MRPS27: variants seen among roughly 807,000 people sequenced by gnomAD.
MRPS27 encodes the protein mitochondrial ribosomal protein S27.
MRPS27 carries 43 observed loss-of-function variants against 48.9 expected under a neutral mutation model. The ratio of observed to expected loss-of-function variants is 0.88; its 90% confidence interval spans 0.69 to 1.13. MRPS27 has a LOEUF of 1.13. Ranked by LOEUF, MRPS27 falls within the 50% of genes most tolerant of loss-of-function variation. MRPS27 has a pLI of 0.00. For missense variants in MRPS27, 467 were observed against 476.3 expected (o/e 0.98, Z 0.18); for synonymous variants, 188 against 171.9 (o/e 1.09, Z -0.73).
At chr5:72,234,061 C>G (rs1432104059) in intron 6 of MRPS27, 58 bp downstream of exon 6, 1 of 1,410,294 alleles carries the variant, frequency 7.1e-7, no homozygotes, top group Admixed American at 3.3e-5. Context: ...TACATTTGTA[C>G]ACCTCCCTTT....
Position 72,320,158 on chromosome 5 carries a change from A to G in MRPS27, c.64T>C (p.Ser22Pro), listed in dbSNP as rs776646357. ...LARQVVLPQL[S>P]PAGKRYLLSS... ...AAGCTGTCCGGCCAACCTGCAGGAG[A>G]GAGCTGAGGAAGAACCACTTGCCGC... The change falls in exon 1 of 11, where the codon TCT (serine) becomes CCT (proline). Residue 22 changes from serine (S) to proline (P), a missense_variant. Transcript: ENST00000261413. 1 of 1,613,892 alleles carries G rather than the reference A, an allele frequency of 6.2e-7. No homozygotes were observed. Among genetic ancestry groups the G allele is most frequent in the Non-Finnish European group, 8.5e-7 (1 of 1,179,852 alleles).
intron 2 of MRPS27, among the ~76,000 whole-genome samples, chr5:72,308,118 A>T (rs960043309): frequency 2.0e-5 from 3 of 151,884 alleles, no homozygotes; most frequent in Non-Finnish European, 4.4e-5. Context: ...CAGGTCCTAG[A>T]CAGCTGCATT....
At chr5:72,315,354 C>G (rs1297667203) in intron 1 of MRPS27, among the ~76,000 whole-genome samples, 1 of 151,786 alleles carries the variant, frequency 6.6e-6, no homozygotes, top group Non-Finnish European at 1.5e-5. Context: ...CTCAGGAGTT[C>G]AAGACCAGCC....
chr5:72,223,730 C>T lies in MRPS27; in HGVS notation c.958G>A (p.Glu320Lys), dbSNP rs773627016. The stretch of plus-strand genomic sequence containing the variant: ...GGAAGCTTGGACTGCTCTGTTTCCT[C>T]GATGTCTAACTGCTCCACCAGTTTT... Reference protein sequence around the residue: ...SEKLVEQLDIEETEQSKLPQY... With the variant: ...SEKLVEQLDIKETEQSKLPQY... Residue 320 changes from glutamate (E) to lysine (K), a missense_variant, in exon 10 of 11, where the codon GAG becomes AAG. Physicochemically the swap from Glu to Lys is moderately conservative, Grantham distance 56. Coordinates refer to ENST00000261413, the MANE Select transcript of MRPS27 (RefSeq NM_015084.3). 9.9e-6 allele frequency: 16 copies of T among 1,613,898 alleles called. No homozygotes were observed. The Admixed American group carries it at 1.5e-4, about 15-fold the overall frequency.
At chr5:72,223,904 T>C in intron 9 of MRPS27, 54 bp from the exon 10 acceptor site, 2 of 1,580,778 alleles carry the variant, frequency 1.3e-6, no homozygotes, top group South Asian at 1.1e-5. Flanking sequence ...CAAAAGCACA[T>C]GGTGAAGAAA....
chr5:72,287,960 T>C (rs1352636257), intron 4 of MRPS27, among the ~76,000 whole-genome samples: 1 of 152,236 alleles, frequency 6.6e-6, no homozygotes, highest in East Asian at 1.9e-4. Context: ...TGTGCATGGA[T>C]GTCTGCAGCA....
intron 1 of MRPS27, chr5:72,314,361 G>A (rs1750515369): frequency 2.5e-6 from 1 of 407,682 alleles, no homozygotes; most frequent in Non-Finnish European, 4.4e-6. Flanking sequence ...TGAAGATGCA[G>A]AAAAACAGGA....
chr5:72,250,778 T>C (rs1454389301), intron 4 of MRPS27, among the ~76,000 whole-genome samples: 1 of 152,166 alleles, frequency 6.6e-6, no homozygotes, highest in Non-Finnish European at 1.5e-5. Flanking sequence ...AAAATATATA[T>C]TTTTAAAGAC....
chr5:72,301,871 G>A (rs540299360), intron 2 of MRPS27, among the ~76,000 whole-genome samples: 16 of 152,354 alleles, frequency 1.1e-4, no homozygotes, highest in African/African-American at 3.4e-4. Flanking sequence ...GGACAGCTGC[G>A]GCGTGCAGAG....
rs556432248 is a variant in MRPS27, at chr5:72,292,601, T to C, written c.281+2930A>G. On this transcript the variant is annotated intron_variant, in intron 4 of 10. Coordinates refer to ENST00000261413, the MANE Select transcript of MRPS27 (RefSeq NM_015084.3). The stretch of plus-strand genomic sequence containing the variant: ...CCTGAGCTGCTGGAACTTGGAACTG[T>C]TTACTTGTGTGCCTGATGCAATGGC... Among the ~76,000 whole-genome samples, 20 of 152,294 alleles carry C rather than the reference T, an allele frequency of 1.3e-4. No homozygotes were observed. The South Asian group carries it at 3.9e-3, about 30-fold the overall frequency.
chr5:72,246,579 A>T (rs1424884374), intron 4 of MRPS27, among the ~76,000 whole-genome samples: 1 of 152,246 alleles, frequency 6.6e-6, no homozygotes, highest in Non-Finnish European at 1.5e-5. Flanking sequence ...CTTTGAAAGC[A>T]ACCTAGGCCA....
intron 3 of MRPS27, among the ~76,000 whole-genome samples, chr5:72,296,689 C>A (rs762077693): frequency 6.6e-6 from 1 of 152,066 alleles, no homozygotes; most frequent in Non-Finnish European, 1.5e-5. Context: ...ATGTAACTTA[C>A]GAACAGTAAA....
intron 4 of MRPS27, among the ~76,000 whole-genome samples, chr5:72,276,953 C>T (rs919080538): frequency 1.5e-4 from 23 of 151,974 alleles, no homozygotes; most frequent in Admixed American, 1.3e-4. Flanking sequence ...ATTGCTTGAA[C>T]CCAGGAGGCG....
intron 1 of MRPS27, among the ~76,000 whole-genome samples, chr5:72,316,889 C>T (rs962692857): frequency 1.3e-5 from 2 of 151,428 alleles, no homozygotes; most frequent in Non-Finnish European, 2.9e-5. Context: ...ATTAGCCAGG[C>T]GTGGTGGTGC....
rs1323399144 is a variant in MRPS27, at chr5:72,220,969, T to C, written c.1185A>G (p.Gln395=). 9 of 1,614,184 alleles carry C rather than the reference T, an allele frequency of 5.6e-6. No homozygotes were observed. Among genetic ancestry groups the C allele is most frequent in the South Asian group, 4.4e-5 (4 of 91,086 alleles). The change falls in exon 11 of 11, where the codon CAA becomes CAG. Residue 395 remains glutamine (Q), a synonymous_variant. Coordinates refer to ENST00000261413, the MANE Select transcript of MRPS27 (RefSeq NM_015084.3). ...DLVQLIQREQ[Q]QREQAKQEYQ... ...ACTCCTGCTTCGCTTGCTCCCTCTGTTGCTGTTCTCTCTGGATCAACTGTA... is the reference window on the plus strand; with the variant it reads ...ACTCCTGCTTCGCTTGCTCCCTCTGCTGCTGTTCTCTCTGGATCAACTGTA...
intron 5 of MRPS27, 127 bp downstream of exon 5, chr5:72,237,887 G>C: frequency 1.6e-6 from 1 of 636,120 alleles, no homozygotes; most frequent in Non-Finnish European, 2.8e-6. Context: ...CTGTTAATAA[G>C]AATATTTGAG....
intron 2 of MRPS27, among the ~76,000 whole-genome samples, chr5:72,309,815 A>C (rs1161691812): frequency 6.6e-6 from 1 of 152,240 alleles, no homozygotes; most frequent in Admixed American, 6.5e-5. Flanking sequence ...GCCTTGCTGT[A>C]TAACTATGAG....
At chr5:72,225,956 T>TA in intron 9 of MRPS27, 101 bp downstream of exon 9, 1 of 1,379,072 alleles carries the variant, frequency 7.3e-7, no homozygotes. Context: ...TATAGACATA[T>TA]AGAAAGTAGG....
At chr5:72,295,461 A>C in intron 4 of MRPS27, 70 bp downstream of exon 4, 2 of 1,170,838 alleles carry the variant, frequency 1.7e-6, no homozygotes, top group African/African-American at 3.1e-5. Context: ...TACACAACAT[A>C]TACCAACTTT....
Sources: gnomAD v4.1 joint callset for allele counts (sites outside exome capture counted in the v4.1 genomes callset) on GRCh38, gnomAD v4.1.1 for gene constraint, MANE v1.5 for transcripts, NCBI Gene and HGNC (gene_info 2026-07-23, HGNC 2026-07-21) for gene names.